Variants in ANKS1B observed in about 807,000 individuals in gnomAD.
ANKS1B encodes the protein ankyrin repeat and sterile alpha motif domain-containing protein 1B.
A neutral mutation model predicts 148.3 loss-of-function variants in ANKS1B; 36 were observed. The ratio of observed to expected loss-of-function variants is 0.24; its 90% confidence interval spans 0.19 to 0.32. The LOEUF is 0.32. ANKS1B is among the 10% of genes least tolerant of loss of function. The pLI is 1.00. For synonymous variants in ANKS1B, 542 were observed against 560.8 expected, an observed-to-expected ratio of 0.97 and a Z score of 0.47; for missense variants, 1,157 against 1,542.6, an observed-to-expected ratio of 0.75 and a Z score of 4.19.
At chr12:99,979,625 T>G (rs1428651338) in intron 1 of ANKS1B, among the ~76,000 whole-genome samples, 1 of 152,110 alleles carries the variant, frequency 6.6e-6, no homozygotes, top group Non-Finnish European at 1.5e-5. Flanking sequence ...AAGGAATTTT[T>G]GCCAATACTA....
intron 10 of ANKS1B, among the ~76,000 whole-genome samples, chr12:99,455,115 T>C (rs2095823807): frequency 6.6e-6 from 1 of 152,190 alleles, no homozygotes; most frequent in African/African-American, 2.4e-5. Context: ...TATTCTTTTC[T>C]CCGGTTGTAC....
At chr12:99,029,587 G>A (rs1360376207) in intron 17 of ANKS1B, among the ~76,000 whole-genome samples, 1 of 152,176 alleles carries the variant, frequency 6.6e-6, no homozygotes, top group Admixed American at 6.5e-5. Flanking sequence ...AGAGCAGGTT[G>A]ATCAATAAAA....
chr12:99,565,592 T>A (rs1298749179), intron 9 of ANKS1B, among the ~76,000 whole-genome samples: 1 of 152,230 alleles, frequency 6.6e-6, no homozygotes, highest in East Asian at 1.9e-4. Flanking sequence ...CTCCATTCTC[T>A]GAAGGCTCCA....
chr12:99,604,430 T>C (rs1339605868), intron 9 of ANKS1B, among the ~76,000 whole-genome samples: 1 of 152,126 alleles, frequency 6.6e-6, no homozygotes, highest in Non-Finnish European at 1.5e-5. Flanking sequence ...ATTTAGAATT[T>C]AATTTTGAGA....
intron 17 of ANKS1B, among the ~76,000 whole-genome samples, chr12:98,973,440 T>G (rs1463447300): frequency 6.6e-6 from 1 of 152,220 alleles, no homozygotes; most frequent in East Asian, 1.9e-4. Context: ...TCTGAGGTTT[T>G]GCTTTCTGAA....
chr12:99,194,302 AG>A (rs2081126787), intron 14 of ANKS1B, among the ~76,000 whole-genome samples: 1 of 152,154 alleles, frequency 6.6e-6, no homozygotes, highest in Non-Finnish European at 1.5e-5. Flanking sequence ...AATGAATAAA[AG>A]TATGTTATAC....
At chr12:99,543,508 C>T (rs911473717) in intron 9 of ANKS1B, among the ~76,000 whole-genome samples, 1 of 152,150 alleles carries the variant, frequency 6.6e-6, no homozygotes, top group East Asian at 1.9e-4. Context: ...AATGTTCATA[C>T]AAAAACTTGC....
chr12:99,669,639 T>C (rs1451585252), intron 8 of ANKS1B, among the ~76,000 whole-genome samples: 1 of 152,158 alleles, frequency 6.6e-6, no homozygotes, highest in Non-Finnish European at 1.5e-5. Flanking sequence ...TCCAGTATTG[T>C]TCTTTCTTTG....
chr12:98,882,257 C>G (rs1488730264), intron 17 of ANKS1B, among the ~76,000 whole-genome samples: 2 of 152,126 alleles, frequency 1.3e-5, no homozygotes, highest in Non-Finnish European at 2.9e-5. Context: ...CTTTCAGATA[C>G]AGGGCTACAG....
At chr12:99,885,337 G>T (rs2092765613) in intron 1 of ANKS1B, among the ~76,000 whole-genome samples, 1 of 139,086 alleles carries the variant, frequency 7.2e-6, no homozygotes. Context: ...TTGAGACAGA[G>T]TCACCCAGGC....
chr12:99,425,453 A>G (rs1164837570), intron 11 of ANKS1B, among the ~76,000 whole-genome samples: 1 of 151,964 alleles, frequency 6.6e-6, no homozygotes, highest in African/African-American at 2.4e-5. Flanking sequence ...ACAAGAAAGT[A>G]CTAGACGAAA....
chr12:99,812,325 A>C lies in ANKS1B; in HGVS notation c.216-14T>G. On this transcript the variant is annotated splice_polypyrimidine_tract_variant and intron_variant, in intron 2 of 26. Coordinates refer to ENST00000683438, the MANE Select transcript of ANKS1B (RefSeq NM_001352186.2). ...AGAACTATGTCCCTAAAAAGGAAAA[A>C]ACAACAACAACAAAATAGGCTGAGC... 7 of 1,605,954 alleles carry C rather than the reference A, an allele frequency of 4.4e-6. No individual in the cohort carries two copies. Among genetic ancestry groups the C allele is most frequent in the Non-Finnish European group, 6.0e-6 (7 of 1,175,784 alleles).
At chr12:99,263,508 T>C (rs1462736355) in intron 12 of ANKS1B, among the ~76,000 whole-genome samples, 1 of 152,156 alleles carries the variant, frequency 6.6e-6, no homozygotes, top group Non-Finnish European at 1.5e-5. Flanking sequence ...TGAGAATTTA[T>C]TTATCACTTG....
intron 17 of ANKS1B, among the ~76,000 whole-genome samples, chr12:98,881,990 A>G (rs993508512): frequency 6.6e-6 from 1 of 152,156 alleles, no homozygotes; most frequent in Non-Finnish European, 1.5e-5. Flanking sequence ...CAGAATCAGT[A>G]GAAAGAGATA....
chr12:98,836,892 AT>A (rs2099366707), intron 17 of ANKS1B, among the ~76,000 whole-genome samples: 1 of 152,206 alleles, frequency 6.6e-6, no homozygotes, highest in South Asian at 2.1e-4. Context: ...TATTTGGAGG[AT>A]TCAAAGGGGA....
chr12:99,539,254 C>T (rs1010565316), intron 9 of ANKS1B, among the ~76,000 whole-genome samples: 1 of 152,062 alleles, frequency 6.6e-6, no homozygotes, highest in African/African-American at 2.4e-5. Context: ...TTTCACCACC[C>T]TTATGCCTTA....
intron 1 of ANKS1B, among the ~76,000 whole-genome samples, chr12:99,906,507 G>A (rs184120639): frequency 2.1e-3 from 323 of 152,202 alleles, no homozygotes; most frequent in African/African-American, 7.3e-3. Context: ...TCCGCTGAAC[G>A]GAATTTGGTT....
At chr12:99,615,311 T>C (rs2097945761) in intron 9 of ANKS1B, among the ~76,000 whole-genome samples, 1 of 152,156 alleles carries the variant, frequency 6.6e-6, no homozygotes, top group Non-Finnish European at 1.5e-5. Context: ...TTTCTCCTCA[T>C]TTTTCAACTT....
At chr12:99,629,534 T>C (rs2098138840) in intron 9 of ANKS1B, among the ~76,000 whole-genome samples, 1 of 152,148 alleles carries the variant, frequency 6.6e-6, no homozygotes, top group African/African-American at 2.4e-5. Flanking sequence ...GTATATGTCA[T>C]TATTCCTCAC....
Sources: gnomAD v4.1 joint callset for allele counts (sites outside exome capture counted in the v4.1 genomes callset) on GRCh38, gnomAD v4.1.1 for gene constraint, MANE v1.5 for transcripts, NCBI Gene and HGNC (gene_info 2026-07-23, HGNC 2026-07-21) for gene names.